METAP2: variants seen among roughly 807,000 people sequenced by gnomAD.
METAP2 encodes methionyl aminopeptidase 2.
A neutral mutation model predicts 59.4 loss-of-function variants in METAP2; 25 were observed. The observed-to-expected ratio is 0.42, with a 90% CI of 0.31 to 0.59. METAP2 has a LOEUF of 0.59. Ranked by LOEUF, METAP2 falls within the 20% of genes least tolerant of loss-of-function variation. METAP2 has a pLI of 0.16. For synonymous variants in METAP2, 214 were observed against 194.1 expected (o/e 1.10, Z -0.85); for missense variants, 366 against 581.2 (o/e 0.63, Z 3.81).
intron 7 of METAP2, among the ~76,000 whole-genome samples, chr12:95,499,144 T>C (rs1281478523): frequency 1.3e-5 from 2 of 152,056 alleles, no homozygotes; most frequent in Non-Finnish European, 2.9e-5. Flanking sequence ...TTTGTTTTGG[T>C]TTTGGTTTTA....
intron 8 of METAP2, among the ~76,000 whole-genome samples, chr12:95,510,973 G>A (rs532883540): frequency 3.3e-5 from 5 of 152,184 alleles, no homozygotes; most frequent in Middle Eastern, 3.4e-3. Context: ...AAAGCTAGAC[G>A]TTTTATTCCA....
intron 2 of METAP2, among the ~76,000 whole-genome samples, chr12:95,479,992 A>G (rs1305893726): frequency 6.6e-6 from 1 of 152,230 alleles, no homozygotes; most frequent in Admixed American, 6.5e-5. Flanking sequence ...GACGGAAGAT[A>G]CAGACTATTT....
intron 4 of METAP2, among the ~76,000 whole-genome samples, chr12:95,490,757 G>C (rs577187711): frequency 6.6e-6 from 1 of 152,192 alleles, no homozygotes; most frequent in Non-Finnish European, 1.5e-5. Context: ...CATATGGTTA[G>C]AGGCCTCACC....
At chr12:95,504,808 G>GT (rs1299132347) in intron 8 of METAP2, among the ~76,000 whole-genome samples, 2 of 152,178 alleles carry the variant, frequency 1.3e-5, no homozygotes, top group Non-Finnish European at 2.9e-5. Context: ...CTAGCCTGTG[G>GT]TTTTTTGGAA....
At chr12:95,476,584 G>T (rs1365567764) in intron 2 of METAP2, among the ~76,000 whole-genome samples, 1 of 151,928 alleles carries the variant, frequency 6.6e-6, no homozygotes, top group Non-Finnish European at 1.5e-5. Context: ...TTATTTACTC[G>T]TATAGTGTTT....
intron 7 of METAP2, among the ~76,000 whole-genome samples, 185 bp downstream of exon 7, chr12:95,496,283 T>G (rs529513291): frequency 7.3e-5 from 11 of 150,396 alleles, no homozygotes; most frequent in South Asian, 2.1e-4. Flanking sequence ...TACCAAAGGT[T>G]GTTTTTTTGT....
intron 3 of METAP2, among the ~76,000 whole-genome samples, chr12:95,485,484 T>C (rs1300049988): frequency 2.0e-5 from 3 of 152,040 alleles, no homozygotes; most frequent in Non-Finnish European, 4.4e-5. Context: ...GTTTTTCTTA[T>C]TTTATTAATA....
intron 7 of METAP2, among the ~76,000 whole-genome samples, chr12:95,497,421 A>G (rs2076283526): frequency 6.6e-6 from 1 of 152,210 alleles, no homozygotes. Flanking sequence ...TTACTTCCTT[A>G]AGGCTAAATA....
chr12:95,485,664 G>T, intron 3 of METAP2: 1 of 426,390 alleles, frequency 2.3e-6, no homozygotes, highest in Non-Finnish European at 4.1e-6. Flanking sequence ...ATACATAATG[G>T]AGTTCTGAGG....
At chr12:95,486,122 C>T in intron 4 of METAP2, 141 bp downstream of exon 4, 1 of 582,922 alleles carries the variant, frequency 1.7e-6, no homozygotes, top group Non-Finnish European at 2.9e-6. Flanking sequence ...ACAGTAGAAG[C>T]CCTCTTATCC....
chr12:95,488,980 GTCT>G (rs2076218317), intron 4 of METAP2, among the ~76,000 whole-genome samples: 3 of 151,950 alleles, frequency 2.0e-5, no homozygotes. Flanking sequence ...TTATCACCTT[GTCT>G]TATCCAATGT....
rs2076183313 is a variant in METAP2 at position 95,484,727 on chromosome 12, T to G, written c.326-1152T>G. The G allele has an allele frequency of 1.0e-5, 4 of 383,544 alleles. No homozygotes were observed. The Admixed American group carries it at 1.6e-4, about 15-fold the overall frequency. 23.8% of individuals were successfully genotyped at this position (383,544 alleles called of 1,614,324 possible). ...TGAGGTACTCTTTTTTTTTTCTGCT[T>G]AGTATCAAGGATAATTGTGTTTTTT... On this transcript the variant is annotated intron_variant, in intron 3 of 10. Coordinates refer to ENST00000323666, the MANE Select transcript of METAP2 (RefSeq NM_006838.4).
chr12:95,478,072 A>G lies in METAP2; in HGVS notation c.259+1894A>G, dbSNP rs369268143. Reference sequence around the variant, plus strand: ...GTGGCTTATGCCTGTAATCCAGACAAGCCTGGGCAACATAGTGAGACCCTA... The same window carrying G: ...GTGGCTTATGCCTGTAATCCAGACAGGCCTGGGCAACATAGTGAGACCCTA... On this transcript the variant is annotated intron_variant, in intron 2 of 10. Transcript: ENST00000323666. 3.7e-4 allele frequency among the ~76,000 whole-genome samples: 56 copies of G among 152,228 alleles called. 1 individual carries two copies. In the South Asian group the frequency reaches 0.011, roughly 30 times the overall value.
chr12:95,486,955 C>G (rs560155950), intron 4 of METAP2, among the ~76,000 whole-genome samples: 12 of 152,298 alleles, frequency 7.9e-5, no homozygotes, highest in African/African-American at 2.9e-4. Flanking sequence ...AGCATGGAAG[C>G]TGGGGCCAAA....
At chr12:95,493,388 G>T (rs981687593) in intron 4 of METAP2, among the ~76,000 whole-genome samples, 2 of 152,180 alleles carry the variant, frequency 1.3e-5, no homozygotes, top group Non-Finnish European at 2.9e-5. Flanking sequence ...GGAAGCTGAG[G>T]CAGGAAGAAC....
intron 4 of METAP2, among the ~76,000 whole-genome samples, chr12:95,486,183 A>C (rs945535193): frequency 6.6e-6 from 1 of 152,232 alleles, no homozygotes; most frequent in Non-Finnish European, 1.5e-5. Flanking sequence ...AAGTATATTA[A>C]ACTGAGGATC....
chr12:95,512,700 G>A, intron 9 of METAP2, 101 bp from the exon 10 acceptor site: 1 of 672,740 alleles, frequency 1.5e-6, no homozygotes, highest in Admixed American at 2.7e-5. Flanking sequence ...AGCAGAGAGA[G>A]ACTCTGTCTC....
intron 2 of METAP2, 82 bp from the exon 3 acceptor site, chr12:95,483,133 C>A: frequency 2.0e-6 from 2 of 1,005,524 alleles, no homozygotes; most frequent in Non-Finnish European, 3.2e-6. Context: ...TTGAATAGAG[C>A]AAATACTTGT....
chr12:95,508,933 A>G (rs2076381574), intron 8 of METAP2, among the ~76,000 whole-genome samples: 1 of 151,138 alleles, frequency 6.6e-6, no homozygotes, highest in Non-Finnish European at 1.5e-5. Context: ...TTAAGCAGAG[A>G]GGATGTGGAA....
Sources: gnomAD v4.1 joint callset for allele counts (sites outside exome capture counted in the v4.1 genomes callset) on GRCh38, gnomAD v4.1.1 for gene constraint, MANE v1.5 for transcripts, NCBI Gene and HGNC (gene_info 2026-07-23, HGNC 2026-07-21) for gene names.